The following BCL11B variants were observed in gnomAD, a reference collection of about 807,000 sequenced individuals.
BCL11B encodes BCL11 transcription factor B, also known as B-cell lymphoma/leukemia 11B.
Under a neutral mutation model 49.9 loss-of-function variants are expected in BCL11B, and 8 were observed. The observed-to-expected ratio is 0.16, with a 90% confidence interval of 0.09 to 0.29. The LOEUF (loss-of-function observed/expected upper bound fraction) is 0.29, where lower values mean the gene tolerates loss of function less well. BCL11B is among the 10% of genes least tolerant of loss of function. The pLI is 1.00. For missense variants in BCL11B, 1,006 were observed against 1,351.0 expected (o/e 0.74, Z 4.00); for synonymous variants, 739 against 637.4 (o/e 1.16, Z -2.40).
chr14:99,171,608 T>C lies in BCL11B; in HGVS notation c.*2543A>G, dbSNP rs1391332653. On this transcript the variant is annotated 3_prime_UTR_variant, in exon 4 of 4. Transcript: ENST00000357195. ...GAAAAATAAGTACAGGTCAGAAATG[T>C]GATTTTTTTTTTTTCTGCAAAGCAA... The C allele has an allele frequency of 4.7e-6, 1 of 212,604 alleles. No homozygotes were observed. Among genetic ancestry groups the C allele is most frequent in the Admixed American group, 5.9e-5 (1 of 17,026 alleles). 13.2% of individuals were successfully genotyped at this position (212,604 alleles called of 1,614,324 possible).
At position 99,241,693 on chromosome 14, in the gene BCL11B, C is replaced by G. The variant is rs1370360698; in HGVS notation, c.428-10136G>C. Among the ~76,000 whole-genome samples the G allele has an allele frequency of 6.6e-6, 1 of 151,988 alleles. No homozygotes were observed. Among genetic ancestry groups the G allele is most frequent in the East Asian group, 1.9e-4 (1 of 5,180 alleles). The stretch of plus-strand genomic sequence containing the variant: ...GGACGATGTCGCTTTTTTCCCCCTT[C>G]CCTAAGTGCATTTTAATACCCTTAT... On this transcript the variant is annotated intron_variant, in intron 2 of 3. Coordinates refer to ENST00000357195, the MANE Select transcript of BCL11B (RefSeq NM_138576.4). The surrounding 1 kb of genome is among the most constrained non-coding windows in gnomAD (Gnocchi z 4.4).
intron 3 of BCL11B, among the ~76,000 whole-genome samples, chr14:99,206,275 C>T (rs958215326): frequency 2.0e-5 from 3 of 152,200 alleles, no homozygotes; most frequent in Non-Finnish European, 4.4e-5. Flanking sequence ...ACAACAGCCA[C>T]ACCTGTTCAT....
chr14:99,259,059 C>T (rs1345159740), intron 1 of BCL11B, among the ~76,000 whole-genome samples: 2 of 152,068 alleles, frequency 1.3e-5, no homozygotes, highest in Non-Finnish European at 1.5e-5. Flanking sequence ...ATATTCCCCT[C>T]GGGGTCTGAG....
chr14:99,182,921 G>A (rs1326347113), intron 3 of BCL11B, among the ~76,000 whole-genome samples: 2 of 152,228 alleles, frequency 1.3e-5, no homozygotes, highest in African/African-American at 2.4e-5. Flanking sequence ...TGGGCTGAAT[G>A]AGCGTGGTAG....
At position 99,175,447 on chromosome 14, in the gene BCL11B, C is replaced by T. The variant is rs770636408; in HGVS notation, c.1389G>A (p.Ala463=). ...KPYKCQLCDH[A]CSQASKLKRH... ...GCTTGAGCTTGCTGGCCTGCGAGCA[C>T]GCGTGGTCGCACAGCTGGCACTTGT... Residue 463 remains alanine (A), a synonymous_variant, in exon 4 of 4, where the codon GCG becomes GCA. Transcript: ENST00000357195. 5 of 1,611,310 alleles carry T rather than the reference C, an allele frequency of 3.1e-6. No individual in the cohort carries two copies. The highest frequency in any genetic ancestry group is 4.2e-6 in the Non-Finnish European group (5 of 1,178,746).
At chr14:99,254,097 G>A (rs1314926263) in intron 2 of BCL11B, among the ~76,000 whole-genome samples, 4 of 152,286 alleles carry the variant, frequency 2.6e-5, no homozygotes, top group Middle Eastern at 3.4e-3. Context: ...CATGTTGGAC[G>A]CCCGCTCCCT....
At chr14:99,230,554 AC>A in intron 3 of BCL11B, among the ~76,000 whole-genome samples, 1 of 152,196 alleles carries the variant, frequency 6.6e-6, no homozygotes, top group Non-Finnish European at 1.5e-5. Context: ...ATTCCCAAGG[AC>A]CCCAAGGATT....
At chr14:99,230,391 C>A (rs1888292933) in intron 3 of BCL11B, among the ~76,000 whole-genome samples, 1 of 152,246 alleles carries the variant, frequency 6.6e-6, no homozygotes, top group South Asian at 2.1e-4. Context: ...CACCCCCCTT[C>A]TCCTTTCCTG....
At chr14:99,185,463 C>T (rs1343796926) in intron 3 of BCL11B, among the ~76,000 whole-genome samples, 1 of 129,906 alleles carries the variant, frequency 7.7e-6, no homozygotes, top group Non-Finnish European at 1.7e-5. Flanking sequence ...AAAAAAAAAA[C>T]TATATGACCA....
Position 99,271,233 on chromosome 14 carries a change from T to G in BCL11B, c.-15A>C. The G allele has an allele frequency of 2.6e-6, 4 of 1,513,000 alleles. No homozygotes were observed. The highest frequency in any genetic ancestry group is 3.5e-6 in the Non-Finnish European group (4 of 1,135,034). The allele number at this position is 1,513,000 out of a possible 1,614,324, so 93.7% of individuals were successfully genotyped here. A position where few individuals can be genotyped will look rare whatever the true frequency, so the allele number is the denominator to read the frequency against. ...CGGCGGGACATTGCCCCGGCATCTA[T>G]TCTGGCATCGCCCGGAGAGCTGCAC... is the stretch of plus-strand genomic sequence containing the variant. On this transcript the variant is annotated 5_prime_UTR_variant, in exon 1 of 4. Coordinates refer to ENST00000357195, the MANE Select transcript of BCL11B (RefSeq NM_138576.4).
intron 2 of BCL11B, among the ~76,000 whole-genome samples, chr14:99,253,228 C>A (rs964960689): frequency 1.3e-5 from 2 of 152,312 alleles, no homozygotes; most frequent in East Asian, 1.9e-4. Flanking sequence ...TCACCTGAAA[C>A]CCCCCGCCGG....
In BCL11B at chr14:99,172,430, G is replaced by T. The variant is rs76180992; in HGVS notation, c.*1721C>A. On this transcript the variant is annotated 3_prime_UTR_variant, in exon 4 of 4. Coordinates refer to ENST00000357195, the MANE Select transcript of BCL11B (RefSeq NM_138576.4). The stretch of plus-strand genomic sequence containing the variant: ...TTTTTTTTTACTTAAAGTAAATGTG[G>T]CTTTGTTAGTTTCTAAAGAATGTAC... 6 of 210,912 alleles carry T rather than the reference G, an allele frequency of 2.8e-5. No homozygotes were observed. The highest frequency in any genetic ancestry group is 1.4e-4 in the African/African-American group (6 of 43,900). 13.1% of individuals were successfully genotyped at this position (210,912 alleles called of 1,614,324 possible).
At position 99,174,631 on chromosome 14, in the gene BCL11B, C is replaced by A; in HGVS notation, c.2205G>T (p.Ser735=). 1.3e-6 allele frequency: 2 copies of A among 1,566,146 alleles called. No homozygotes were observed. The highest frequency in any genetic ancestry group is 1.2e-5 in the South Asian group (1 of 86,062). The change falls in exon 4 of 4, where the codon TCG becomes TCT. Residue 735 remains serine, a synonymous_variant. Transcript: ENST00000357195. ...AGTGCTCGGACGACGTGGCGAAGGG[C>A]GACTGTCGTGCGTCCGTGAAGCCCA... The part of the protein sequence containing the change: ...PFLGFTDARQ[S]PFATSSEHSS...
chr14:99,217,878 C>T (rs954954627), intron 3 of BCL11B, among the ~76,000 whole-genome samples: 5 of 152,184 alleles, frequency 3.3e-5, no homozygotes, highest in African/African-American at 1.2e-4. Context: ...GGGCTCCGAA[C>T]TCCACTCCCT....
Position 99,272,136 on chromosome 14 carries a change from A to G in BCL11B, c.-918T>C, listed in dbSNP as rs965302011. Among the ~76,000 whole-genome samples the G allele has an allele frequency of 2.6e-5, 4 of 152,014 alleles. No homozygotes were observed. The highest frequency in any genetic ancestry group is 4.4e-5 in the Non-Finnish European group (3 of 67,974). On this transcript the variant is annotated 5_prime_UTR_variant, in exon 1 of 4. Coordinates refer to ENST00000357195, the MANE Select transcript of BCL11B (RefSeq NM_138576.4). The surrounding 1 kb of genome is among the most constrained non-coding windows in gnomAD (Gnocchi z 6.0). Reference sequence around the variant, plus strand: ...GGTGCGGGCGCAGACTGGGAGCTATAGATTGCAACGTGAAGATGGCGGAGT... The same window carrying G: ...GGTGCGGGCGCAGACTGGGAGCTATGGATTGCAACGTGAAGATGGCGGAGT...
In BCL11B at chr14:99,272,170, T is replaced by C. The variant is rs1889709444; in HGVS notation, c.-952A>G. ...CGTGAAGATGGCGGAGTCCGGGTTC[T>C]CTGGGAGCTCTCGGTCTCTCTATGG... On this transcript the variant is annotated 5_prime_UTR_variant, in exon 1 of 4. Coordinates refer to ENST00000357195, the MANE Select transcript of BCL11B (RefSeq NM_138576.4). The surrounding 1 kb of genome is among the most constrained non-coding windows in gnomAD (Gnocchi z 6.0). Among the ~76,000 whole-genome samples, 1 of 152,148 alleles carries C rather than the reference T, an allele frequency of 6.6e-6. No individual in the cohort carries two copies. Among genetic ancestry groups the C allele is most frequent in the South Asian group, 2.1e-4 (1 of 4,832 alleles).
rs991772162 is a variant in BCL11B, at chr14:99,175,549, G to A, written c.1287C>T (p.Cys429=). The A allele has an allele frequency of 5.6e-6, 9 of 1,601,578 alleles. No homozygotes were observed. The Admixed American group carries it at 1.2e-4, about 21-fold the overall frequency. The part of the protein sequence containing the change: ...PPQPPAKSKS[C]EFCGKTFKFQ... ...ACTTGAAGGTCTTGCCGCAGAACTC[G>A]CACGACTTGCTCTTGGCTGGCGGCT... Residue 429 remains cysteine (C), a synonymous_variant, in exon 4 of 4, where the codon TGC becomes TGT. Transcript: ENST00000357195.
In BCL11B at chr14:99,192,443, G is replaced by A. The variant is rs1324532517; in HGVS notation, c.641-16248C>T. Among the ~76,000 whole-genome samples, 1 of 152,132 alleles carries A rather than the reference G, an allele frequency of 6.6e-6. No individual in the cohort carries two copies. The highest frequency in any genetic ancestry group is 1.5e-5 in the Non-Finnish European group (1 of 68,026). On this transcript the variant is annotated intron_variant, in intron 3 of 3. Transcript: ENST00000357195. The surrounding 1 kb of genome is among the most constrained non-coding windows in gnomAD (Gnocchi z 4.0). ...GGGCTGGTGCTTTCAATCAAGAAAC[G>A]TGGCTCTCGTTAGAAGGCAGAAAAT...
Position 99,174,391 on chromosome 14 carries a change from C to T in BCL11B, c.2445G>A (p.Arg815=), listed in dbSNP as rs767911082. The T allele has an allele frequency of 1.6e-5, 26 of 1,613,540 alleles. No individual in the cohort carries two copies. Among genetic ancestry groups the T allele is most frequent in the Non-Finnish European group, 2.2e-5 (26 of 1,179,898 alleles). ...AAGGCCGCTCGCCGGTGTGGCTCCG[C>T]CGGTGCACCGTCAAGTTGCTGCAGT... is the stretch of plus-strand genomic sequence containing the variant. The part of the protein sequence containing the change: ...FKNCSNLTVH[R]RSHTGERPYK... Residue 815 remains arginine (R), a synonymous_variant, in exon 4 of 4, where the codon CGG becomes CGA. Transcript: ENST00000357195.
Sources: allele counts gnomAD v4.1 joint callset (sites outside exome capture counted in the v4.1 genomes callset), GRCh38; gene constraint gnomAD v4.1.1; non-coding constraint Gnocchi (gnomAD v3.1); transcripts MANE v1.5; gene names NCBI Gene and HGNC (gene_info 2026-07-23, HGNC 2026-07-21).